DNAJC5B: variants seen among roughly 807,000 people sequenced by gnomAD.
DNAJC5B encodes the protein dnaJ homolog subfamily C member 5B.
A neutral mutation model predicts 24.7 loss-of-function variants in DNAJC5B; 23 were observed. The ratio of observed to expected loss-of-function variants is 0.93; its 90% CI spans 0.67 to 1.32. The LOEUF (loss-of-function observed/expected upper bound fraction) is 1.32, where lower values mean the gene tolerates loss of function less well. DNAJC5B is among the 40% of genes most tolerant of loss of function. The pLI, the probability that DNAJC5B is intolerant of heterozygous loss-of-function variation, is 0.00. For synonymous variants in DNAJC5B, 101 were observed against 90.1 expected, an observed-to-expected ratio of 1.12 and a Z score of -0.68; for missense variants, 238 against 240.8, an observed-to-expected ratio of 0.99 and a Z score of 0.08.
chr8:66,074,531 T>C (rs933465444), intron 3 of DNAJC5B, among the ~76,000 whole-genome samples: 2 of 152,356 alleles, frequency 1.3e-5, no homozygotes, highest in East Asian at 3.9e-4. Flanking sequence ...TATAGCCACA[T>C]TGACAGGTGA....
Position 66,057,014 on chromosome 8 carries a change from C to G in DNAJC5B, c.119+5348C>G, listed in dbSNP as rs1308460469. ...ATTAGCCGGGCTTAGTGGCAGGCGC[C>G]TATAGTCCCAGCTACTCGGGAGGCT... is the stretch of plus-strand genomic sequence containing the variant. On this transcript the variant is annotated intron_variant, in intron 3 of 5. Transcript: ENST00000276570. 4 of 152,274 alleles carry G rather than the reference C, an allele frequency of 2.6e-5. No homozygotes were observed. In the East Asian group the frequency reaches 7.7e-4, roughly 29 times the overall value. The allele number at this position is 152,274 out of a possible 1,614,324, so 9.4% of individuals were successfully genotyped here. A position where few individuals can be genotyped will look rare whatever the true frequency, so the allele number is the denominator to read the frequency against.
chr8:66,062,452 T>C (rs1038432758), intron 3 of DNAJC5B, among the ~76,000 whole-genome samples: 2 of 152,202 alleles, frequency 1.3e-5, no homozygotes, highest in Admixed American at 6.5e-5. Context: ...ATTTAGAGAA[T>C]GTGTCTTCAG....
At position 66,073,398 on chromosome 8, in the gene DNAJC5B, A is replaced by C. The variant is rs140602441; in HGVS notation, c.120-3262A>C. Among the ~76,000 whole-genome samples the C allele has an allele frequency of 7.2e-4, 109 of 152,292 alleles. 2 individuals are homozygous for C. In the East Asian group the frequency reaches 0.013, roughly 19 times the overall value. On this transcript the variant is annotated intron_variant, in intron 3 of 5. Transcript: ENST00000276570. ...AAAGATTGAAATAGGTCGACATACT[A>C]TACAAAAGTCAATCTCCAAATTAAT...
At chr8:66,068,897 C>T (rs571753094) in intron 3 of DNAJC5B, among the ~76,000 whole-genome samples, 1 of 151,992 alleles carries the variant, frequency 6.6e-6, no homozygotes. Flanking sequence ...ATTTTCCAAC[C>T]AAGGTAACAG....
At chr8:66,087,589 G>C (rs1807755709) in intron 5 of DNAJC5B, among the ~76,000 whole-genome samples, 1 of 152,192 alleles carries the variant, frequency 6.6e-6, no homozygotes, top group Non-Finnish European at 1.5e-5. Flanking sequence ...TCAAAAGCAA[G>C]TTAGTTACTT....
chr8:66,032,194 C>T (rs1806373937), intron 1 of DNAJC5B, among the ~76,000 whole-genome samples: 1 of 152,218 alleles, frequency 6.6e-6, no homozygotes, highest in Non-Finnish European at 1.5e-5. Flanking sequence ...CCAGTATGGC[C>T]ACTGCCTCCC....
chr8:66,054,280 GT>G (rs1325473940), intron 3 of DNAJC5B, among the ~76,000 whole-genome samples: 4 of 152,106 alleles, frequency 2.6e-5, no homozygotes, highest in African/African-American at 9.7e-5. Context: ...CTGTACAGAA[GT>G]TTAAAATTAG....
intron 3 of DNAJC5B, among the ~76,000 whole-genome samples, chr8:66,052,250 G>A (rs561249186): frequency 5.3e-5 from 8 of 150,906 alleles, no homozygotes; most frequent in African/African-American, 2.0e-4. Context: ...GAGCAACCGC[G>A]CCCTGCCAAT....
chr8:66,071,643 G>A (rs907776123), intron 3 of DNAJC5B, among the ~76,000 whole-genome samples: 6 of 152,138 alleles, frequency 3.9e-5, no homozygotes, highest in Non-Finnish European at 5.9e-5. Context: ...ATAGTGTGGC[G>A]ATTCCTCAAG....
At chr8:66,038,366 T>G (rs1441966649) in intron 1 of DNAJC5B, among the ~76,000 whole-genome samples, 1 of 152,230 alleles carries the variant, frequency 6.6e-6, no homozygotes, top group East Asian at 1.9e-4. Context: ...AATATGTGTC[T>G]GTTACTTGGG....
chr8:66,039,970 A>T (rs998845379), intron 1 of DNAJC5B, among the ~76,000 whole-genome samples: 6 of 152,232 alleles, frequency 3.9e-5, no homozygotes, highest in African/African-American at 1.4e-4. Context: ...AAAATAATCT[A>T]TGTATATAAA....
At chr8:66,079,087 CT>C (rs1245023428) in intron 4 of DNAJC5B, among the ~76,000 whole-genome samples, 2 of 152,132 alleles carry the variant, frequency 1.3e-5, no homozygotes, top group Non-Finnish European at 2.9e-5. Context: ...CTTTTTATAA[CT>C]TCACATTGGA....
upstream of DNAJC5B, among the ~76,000 whole-genome samples, chr8:66,018,261 G>C (rs929843471): frequency 6.6e-6 from 1 of 152,140 alleles, no homozygotes; most frequent in Non-Finnish European, 1.5e-5. Flanking sequence ...GCTCACTTCT[G>C]TAATCCCAGC....
intron 1 of DNAJC5B, among the ~76,000 whole-genome samples, chr8:66,026,344 C>A (rs752911453): frequency 1.3e-5 from 2 of 152,052 alleles, no homozygotes; most frequent in African/African-American, 4.8e-5. Context: ...GGGGTTTTTG[C>A]GGTTTTGAAG....
chr8:66,087,118 A>T (rs757697854), intron 5 of DNAJC5B, among the ~76,000 whole-genome samples: 1 of 152,168 alleles, frequency 6.6e-6, no homozygotes, highest in Non-Finnish European at 1.5e-5. Flanking sequence ...GGTTTAATTG[A>T]CTCACAGTTC....
At chr8:66,092,151 G>A (rs1357558173) in intron 5 of DNAJC5B, among the ~76,000 whole-genome samples, 3 of 152,162 alleles carry the variant, frequency 2.0e-5, no homozygotes, top group Non-Finnish European at 4.4e-5. Context: ...TCACTTTAAA[G>A]TGGTTGGTTT....
intron 2 of DNAJC5B, among the ~76,000 whole-genome samples, chr8:66,045,553 G>A (rs368061932): frequency 6.6e-6 from 1 of 152,084 alleles, no homozygotes; most frequent in Non-Finnish European, 1.5e-5. Flanking sequence ...GAAACTCTTC[G>A]AGAAATGGAA....
chr8:66,072,630 T>C (rs1393227435), intron 3 of DNAJC5B, among the ~76,000 whole-genome samples: 2 of 152,158 alleles, frequency 1.3e-5, no homozygotes, highest in African/African-American at 2.4e-5. Flanking sequence ...AATTAGGAGG[T>C]ATAATTTAAA....
Position 66,046,296 on chromosome 8 carries a change from C to T in DNAJC5B, c.-18+2685C>T, listed in dbSNP as rs189264124. On this transcript the variant is annotated intron_variant, in intron 2 of 5. Coordinates refer to ENST00000276570, the MANE Select transcript of DNAJC5B (RefSeq NM_033105.6). ...AGTCCACGTGCAGGCTCAGTGGCTG[C>T]GCAGAGGGAAAACACTTGCCACCAT... Among the ~76,000 whole-genome samples the T allele has an allele frequency of 1.9e-3, 284 of 152,248 alleles. 1 individual carries two copies. Among genetic ancestry groups the T allele is most frequent in the Non-Finnish European group, 1.9e-3 (129 of 68,016 alleles).
Sources: gnomAD v4.1 joint callset for allele counts (sites outside exome capture counted in the v4.1 genomes callset) on GRCh38, gnomAD v4.1.1 for gene constraint, MANE v1.5 for transcripts, NCBI Gene and HGNC (gene_info 2026-07-23, HGNC 2026-07-21) for gene names.